AP5M1: variants seen among roughly 807,000 people sequenced by gnomAD.
AP5M1 encodes the protein adaptor related protein complex 5 subunit mu 1, also known as AP-5 complex subunit mu-1.
A neutral mutation model predicts 52.3 loss-of-function variants in AP5M1; 44 were observed. That is an observed-to-expected ratio of 0.84 (90% CI 0.66 to 1.08). The LOEUF (loss-of-function observed/expected upper bound fraction) is 1.08. Ranked by LOEUF, AP5M1 falls within the 50% of genes least tolerant of loss-of-function variation. The pLI is 0.00. For missense variants in AP5M1, 526 were observed against 568.4 expected (o/e 0.93, Z 0.76); for synonymous variants, 213 against 199.0 (o/e 1.07, Z -0.59).
chr14:57,274,909 C>T lies in AP5M1; in HGVS notation c.720+20C>T, dbSNP rs372739651. Reference sequence around the variant, plus strand: ...TGCAAGGTGAGATTTTTCTCTGGTACTTGCTTTATCGTTTTATTTAACATA... The same window carrying T: ...TGCAAGGTGAGATTTTTCTCTGGTATTTGCTTTATCGTTTTATTTAACATA... On this transcript the variant is annotated intron_variant, in intron 2 of 7. Transcript: ENST00000261558. 1.1e-5 allele frequency: 18 copies of T among 1,611,364 alleles called. No homozygotes were observed. Among genetic ancestry groups the T allele is most frequent in the African/African-American group, 6.9e-5 (5 of 72,962 alleles).
intron 1 of AP5M1, among the ~76,000 whole-genome samples, chr14:57,271,596 A>G (rs1884897373): frequency 1.3e-5 from 2 of 151,772 alleles, no homozygotes; most frequent in African/African-American, 4.9e-5. Context: ...TGTCATTTTT[A>G]GATAGTACAG....
intron 2 of AP5M1, 58 bp from the exon 3 acceptor site, chr14:57,280,137 C>A: frequency 7.8e-7 from 1 of 1,288,900 alleles, no homozygotes; most frequent in Non-Finnish European, 1.1e-6. Flanking sequence ...TTTTGAAAAG[C>A]CTCAAACAGA....
At position 57,290,695 on chromosome 14, in the gene AP5M1, C is replaced by G. The variant is rs796391667; in HGVS notation, c.*1811C>G. On this transcript the variant is annotated 3_prime_UTR_variant, in exon 8 of 8. Transcript: ENST00000261558. ...TGATGAGGTGTTGGGGAACCTGATG[C>G]CATCTGTTGCCATTCCATTCTAACA... The G allele has an allele frequency of 6.6e-6, 1 of 151,854 alleles. No homozygotes were observed. The highest frequency in any genetic ancestry group is 1.5e-5 in the Non-Finnish European group (1 of 67,876). The allele number at this position is 151,854 out of a possible 1,614,324, so 9.4% of individuals were successfully genotyped here.
chr14:57,269,477 C>G, intron 1 of AP5M1, 89 bp downstream of exon 1: 4 of 1,325,508 alleles, frequency 3.0e-6, no homozygotes, highest in Non-Finnish European at 4.3e-6. Context: ...CCAGGTTTGC[C>G]ACGAATAGCT....
In AP5M1 at chr14:57,280,421, AG is replaced by A. The variant is rs1249785683; in HGVS notation, c.948+1del. ...ESFNLCFYTS[Q>X]VPVPPILGFY... Reference sequence around the variant, plus strand: ...TTCAACTTATGCTTCTACACTTCCCAGGTAACAACCCTAGAATAGTTGAGAG... The same window carrying A: ...TTCAACTTATGCTTCTACACTTCCCAGTAACAACCCTAGAATAGTTGAGAG... On this transcript the variant is annotated frameshift_variant and splice_region_variant, in exon 3 of 8. Coordinates refer to ENST00000261558, the MANE Select transcript of AP5M1 (RefSeq NM_018229.4). LOFTEE classifies it high-confidence loss of function. 2 of 1,591,680 alleles carry A rather than the reference AG, an allele frequency of 1.3e-6. No individual in the cohort carries two copies. The highest frequency in any genetic ancestry group is 1.7e-6 in the Non-Finnish European group (2 of 1,159,668).
intron 7 of AP5M1, among the ~76,000 whole-genome samples, chr14:57,287,477 A>T (rs1490751317): frequency 6.6e-6 from 1 of 152,208 alleles, no homozygotes; most frequent in African/African-American, 2.4e-5. Context: ...TGTTGTATAT[A>T]TGAGAGACTG....
intron 1 of AP5M1, chr14:57,273,716 C>T (rs143749417): frequency 1.4e-6 from 1 of 702,046 alleles, no homozygotes; most frequent in East Asian, 2.7e-5. Context: ...TAGGGATTGG[C>T]AAGAAGACTC....
chr14:57,277,582 G>A (rs1393273383), intron 2 of AP5M1, among the ~76,000 whole-genome samples: 1 of 151,764 alleles, frequency 6.6e-6, no homozygotes, highest in Admixed American at 6.6e-5. Flanking sequence ...TATTGTAATT[G>A]TCACTGACAG....
chr14:57,272,179 AT>A (rs1471400426), intron 1 of AP5M1, among the ~76,000 whole-genome samples: 2 of 152,180 alleles, frequency 1.3e-5, no homozygotes, highest in African/African-American at 4.8e-5. Context: ...TTTTCAATAC[AT>A]TTATGGAGGT....
chr14:57,270,259 C>T (rs577140371), intron 1 of AP5M1, among the ~76,000 whole-genome samples: 17 of 152,134 alleles, frequency 1.1e-4, no homozygotes, highest in African/African-American at 3.9e-4. Flanking sequence ...TAGAATTTGC[C>T]CTGTGTAATC....
rs1265226463 is a variant in AP5M1, at chr14:57,282,174, A to G, written c.1034A>G (p.Glu345Gly). The change falls in exon 4 of 8, where the codon GAA (glutamate) becomes GGA (glycine). Residue 345 changes from glutamate to glycine, a missense_variant. Glu to Gly is a moderately conservative substitution (Grantham distance 98). Around this residue, in one of 3 missense-constraint regions of AP5M1, gnomAD observed 425 missense variants for 430.6 expected, o/e 0.99. Transcript: ENST00000261558. Reference protein sequence around the residue: ...LRITINLKLHESVKNNFEFCE... With the variant: ...LRITINLKLHGSVKNNFEFCE... ...ATAACCATTAATTTAAAACTTCATG[A>G]AAGTGTGAAAAATAATTTTGAATTC... 5 of 1,576,742 alleles carry G rather than the reference A, an allele frequency of 3.2e-6. No individual in the cohort carries two copies. Among genetic ancestry groups the G allele is most frequent in the Non-Finnish European group, 4.3e-6 (5 of 1,165,990 alleles).
chr14:57,281,653 G>A (rs1236573164), intron 3 of AP5M1, among the ~76,000 whole-genome samples: 1 of 152,168 alleles, frequency 6.6e-6, no homozygotes, highest in Non-Finnish European at 1.5e-5. Context: ...AATAATGATT[G>A]GCTCACCCCA....
At chr14:57,286,960 G>A (rs1244875576) in intron 7 of AP5M1, among the ~76,000 whole-genome samples, 1 of 150,168 alleles carries the variant, frequency 6.7e-6, no homozygotes, top group Non-Finnish European at 1.5e-5. Context: ...TTAATGGTTG[G>A]TAAAGTATAG....
chr14:57,273,499 A>G (rs1451056059), intron 1 of AP5M1, among the ~76,000 whole-genome samples: 1 of 152,216 alleles, frequency 6.6e-6, no homozygotes, highest in Non-Finnish European at 1.5e-5. Flanking sequence ...ATATTTTGGA[A>G]TTGAGAAACT....
At position 57,274,723 on chromosome 14, in the gene AP5M1, A is replaced by G. The variant is rs1386647553; in HGVS notation, c.554A>G (p.Asn185Ser). The G allele has an allele frequency of 3.1e-6, 5 of 1,614,072 alleles. No homozygotes were observed. Among genetic ancestry groups the G allele is most frequent in the Admixed American group, 3.3e-5 (2 of 60,008 alleles). The change falls in exon 2 of 8, where the codon AAT becomes AGT. Residue 185 changes from asparagine to serine, a missense_variant. Asn to Ser is a conservative substitution (Grantham distance 46, BLOSUM62 1). Coordinates refer to ENST00000261558, the MANE Select transcript of AP5M1 (RefSeq NM_018229.4). ...TTACAGAATTCATTAGATAATACCAATTTTGCATCTGTGACTCAGCCACAG... is the reference window on the plus strand; with the variant it reads ...TTACAGAATTCATTAGATAATACCAGTTTTGCATCTGTGACTCAGCCACAG... The part of the protein sequence containing the change: ...ANLQNSLDNT[N>S]FASVTQPQKQ...
intron 6 of AP5M1, 91 bp from the exon 7 acceptor site, chr14:57,286,132 A>T: frequency 1.2e-6 from 1 of 809,214 alleles, no homozygotes; most frequent in Non-Finnish European, 2.0e-6. Flanking sequence ...GTGTAAAATA[A>T]ATTCCCTAAG....
At position 57,283,365 on chromosome 14, in the gene AP5M1, T is replaced by G. The variant is rs1258862622; in HGVS notation, c.1293+135T>G. On this transcript the variant is annotated intron_variant, in intron 6 of 7. Transcript: ENST00000261558. ...TTTTAGTCTGGGATAAGTTCTCTTT[T>G]GGATTTTTGTTTGATTTTTTGTTGT... 6 of 609,552 alleles carry G rather than the reference T, an allele frequency of 9.8e-6. No individual in the cohort carries two copies. The African/African-American group carries it at 1.1e-4, about 12-fold the overall frequency. The allele number at this position is 609,552 out of a possible 1,614,324, so 37.8% of individuals were successfully genotyped here. A position where few individuals can be genotyped will look rare whatever the true frequency, so the allele number is the denominator to read the frequency against.
chr14:57,294,848 A>C lies in AP5M1; in HGVS notation c.*5964A>C, dbSNP rs528278723. The C allele has an allele frequency of 2.6e-5, 4 of 152,074 alleles. No individual in the cohort carries two copies. The highest frequency in any genetic ancestry group is 9.6e-5 in the African/African-American group (4 of 41,540). The allele number at this position is 152,074 out of a possible 1,614,324, so 9.4% of individuals were successfully genotyped here. ...TTCAACATGCATCATGTAAAATTAC[A>C]TGAAAGAAAATAATTTGAAAATTAC... On this transcript the variant is annotated 3_prime_UTR_variant, in exon 8 of 8. Coordinates refer to ENST00000261558, the MANE Select transcript of AP5M1 (RefSeq NM_018229.4).
intron 2 of AP5M1, among the ~76,000 whole-genome samples, chr14:57,278,989 C>T (rs987274520): frequency 2.6e-5 from 4 of 152,092 alleles, no homozygotes; most frequent in Non-Finnish European, 4.4e-5. Flanking sequence ...AGATACCATC[C>T]AACGCCAGTC....
Sources: gnomAD v4.1 joint callset for allele counts (sites outside exome capture counted in the v4.1 genomes callset) on GRCh38, gnomAD v4.1.1 for gene constraint, gnomAD v4.1.1 regional missense constraint, MANE v1.5 for transcripts, NCBI Gene and HGNC (gene_info 2026-07-23, HGNC 2026-07-21) for gene names.